TRUB1: variants seen among roughly 807,000 people sequenced by gnomAD.
TRUB1 encodes TruB pseudouridine synthase family member 1, also known as pseudouridylate synthase TRUB1.
In TRUB1, 23 loss-of-function variants were observed where a neutral mutation model predicts 33.9. That is an observed-to-expected ratio of 0.68 (90% CI 0.49 to 0.96). TRUB1 has a LOEUF of 0.96. Ranked by LOEUF, TRUB1 falls within the 40% of genes least tolerant of loss-of-function variation. The pLI is 0.00. For missense variants in TRUB1, 378 were observed against 422.2 expected (o/e 0.90, Z 0.92); for synonymous variants, 163 against 165.4 (o/e 0.99, Z 0.11).
At chr10:114,945,644 G>A (rs1356658805) in intron 2 of TRUB1, among the ~76,000 whole-genome samples, 1 of 152,116 alleles carries the variant, frequency 6.6e-6, no homozygotes, top group Non-Finnish European at 1.5e-5. Context: ...ACACAAATCT[G>A]TAAACTTTCT....
intron 4 of TRUB1, among the ~76,000 whole-genome samples, chr10:114,960,531 A>G (rs956230152): frequency 6.6e-6 from 1 of 151,968 alleles, no homozygotes; most frequent in Non-Finnish European, 1.5e-5. Flanking sequence ...GCCCCCTTAT[A>G]TTTTTGTGTT....
At chr10:114,966,224 C>G (rs149570170) in intron 4 of TRUB1, among the ~76,000 whole-genome samples, 4 of 152,104 alleles carry the variant, frequency 2.6e-5, no homozygotes, top group East Asian at 1.9e-4. Flanking sequence ...ATATGTACAT[C>G]GTTTTGTAAC....
At chr10:114,969,806 A>G (rs961681695) in intron 4 of TRUB1, among the ~76,000 whole-genome samples, 1 of 151,818 alleles carries the variant, frequency 6.6e-6, no homozygotes, top group Non-Finnish European at 1.5e-5. Context: ...AGATAAATGC[A>G]ATTTTACTTG....
At chr10:114,975,098 T>A (rs747375168) in intron 7 of TRUB1, 25 bp from the exon 8 acceptor site, 1 of 1,588,184 alleles carries the variant, frequency 6.3e-7, no homozygotes, top group Non-Finnish European at 8.6e-7. Flanking sequence ...CTTCTGGATT[T>A]TTTTTCTACC....
chr10:114,968,165 TAC>T (rs2084318988), intron 4 of TRUB1, among the ~76,000 whole-genome samples: 1 of 152,148 alleles, frequency 6.6e-6, no homozygotes, highest in Non-Finnish European at 1.5e-5. Flanking sequence ...TATGATTAAT[TAC>T]AGAGTGAACA....
chr10:114,943,705 T>G (rs2084199295), intron 2 of TRUB1, among the ~76,000 whole-genome samples: 1 of 152,194 alleles, frequency 6.6e-6, no homozygotes. Context: ...GATTTCTCTG[T>G]GTCTTTTTCT....
intron 2 of TRUB1, among the ~76,000 whole-genome samples, chr10:114,949,407 T>A (rs1032636175): frequency 2.4e-4 from 37 of 152,226 alleles, no homozygotes; most frequent in African/African-American, 8.9e-4. Context: ...AGACTGTTTT[T>A]GATCTTAGAC....
rs1352888166 is a variant in TRUB1 at position 114,976,759 on chromosome 10, A to G, written c.*1380A>G. 1 of 125,764 alleles carries G rather than the reference A, an allele frequency of 8.0e-6. No homozygotes were observed. The highest frequency in any genetic ancestry group is 1.5e-5 in the Non-Finnish European group (1 of 64,894). The allele number at this position is 125,764 out of a possible 1,614,324, so 7.8% of individuals were successfully genotyped here. A position where few individuals can be genotyped will look rare whatever the true frequency, so the allele number is the denominator to read the frequency against. ...AGTACAGCATTTTCAACATATTGGC[A>G]ACATATTTTAAATGAAAACACTAAA... On this transcript the variant is annotated 3_prime_UTR_variant, in exon 8 of 8. Transcript: ENST00000298746.
At chr10:114,970,245 CAT>C in intron 4 of TRUB1, 121 bp from the exon 5 acceptor site, 1 of 621,592 alleles carries the variant, frequency 1.6e-6, no homozygotes, top group Non-Finnish European at 2.8e-6. Flanking sequence ...GGCTATAAAA[CAT>C]ATACTGTAAT....
intron 3 of TRUB1, among the ~76,000 whole-genome samples, chr10:114,956,340 C>T (rs972612633): frequency 6.6e-6 from 1 of 152,128 alleles, no homozygotes; most frequent in African/African-American, 2.4e-5. Context: ...AGCACAGACT[C>T]TACGTAGAAT....
At chr10:114,941,990 T>C (rs1306260839) in intron 1 of TRUB1, among the ~76,000 whole-genome samples, 1 of 151,934 alleles carries the variant, frequency 6.6e-6, no homozygotes, top group Non-Finnish European at 1.5e-5. Context: ...TTCACCGTGT[T>C]AGCCAGGATG....
intron 3 of TRUB1, among the ~76,000 whole-genome samples, chr10:114,958,327 T>G (rs2084270194): frequency 6.6e-6 from 1 of 152,208 alleles, no homozygotes; most frequent in South Asian, 2.1e-4. Context: ...CCTATGAAAC[T>G]TTAAAAAAAT....
chr10:114,954,672 A>G (rs945453972), intron 3 of TRUB1, among the ~76,000 whole-genome samples: 1 of 150,244 alleles, frequency 6.7e-6, no homozygotes, highest in Admixed American at 6.6e-5. Context: ...GTGCCTGATC[A>G]TTTAGGATTA....
intron 3 of TRUB1, among the ~76,000 whole-genome samples, chr10:114,959,202 G>A (rs1456031048): frequency 2.6e-5 from 4 of 152,142 alleles, no homozygotes; most frequent in Non-Finnish European, 5.9e-5. Context: ...TACTGGTTTT[G>A]CTCTTTTTCT....
chr10:114,974,044 T>TA (rs1372398217), intron 6 of TRUB1, among the ~76,000 whole-genome samples: 1 of 152,210 alleles, frequency 6.6e-6, no homozygotes, highest in Non-Finnish European at 1.5e-5. Context: ...TCTAACTATT[T>TA]AAAACCTATT....
intron 2 of TRUB1, among the ~76,000 whole-genome samples, chr10:114,947,533 C>T (rs2084216547): frequency 6.6e-6 from 1 of 152,138 alleles, no homozygotes; most frequent in Non-Finnish European, 1.5e-5. Flanking sequence ...CCATTTTCCA[C>T]CTTTCATCAA....
At chr10:114,963,382 A>G (rs1435766228) in intron 4 of TRUB1, among the ~76,000 whole-genome samples, 2 of 152,246 alleles carry the variant, frequency 1.3e-5, no homozygotes, top group African/African-American at 2.4e-5. Flanking sequence ...CCAATAGGGT[A>G]TATGCTATAA....
chr10:114,974,454 T>C lies in TRUB1; in HGVS notation c.793+69T>C, dbSNP rs2084351043. The stretch of plus-strand genomic sequence containing the variant: ...ACTCCTTTTCAATTGGAAGAGGGAA[T>C]TTTCCGTTTTTCTTATTTCTGAGTA... On this transcript the variant is annotated intron_variant, in intron 7 of 7. Transcript: ENST00000298746. 2.2e-6 allele frequency: 3 copies of C among 1,373,392 alleles called. No individual in the cohort carries two copies. In the Admixed American group the frequency reaches 5.2e-5, roughly 24 times the overall value. 85.1% of individuals were successfully genotyped at this position (1,373,392 alleles called of 1,614,324 possible).
Position 114,970,358 on chromosome 10 carries a change from T to C in TRUB1, c.524-10T>C, listed in dbSNP as rs2084329802. 1.3e-6 allele frequency: 2 copies of C among 1,597,508 alleles called. No homozygotes were observed. The highest frequency in any genetic ancestry group is 1.7e-6 in the Non-Finnish European group (2 of 1,167,108). ...GTTGTTTTAGTGTCTTTTTTGTTGA[T>C]TTTTGGCAGATAAAATAACACAAGA... On this transcript the variant is annotated splice_polypyrimidine_tract_variant and intron_variant, in intron 4 of 7. Transcript: ENST00000298746.
Sources: gnomAD v4.1 joint callset for allele counts (sites outside exome capture counted in the v4.1 genomes callset) on GRCh38, gnomAD v4.1.1 for gene constraint, MANE v1.5 for transcripts, NCBI Gene and HGNC (gene_info 2026-07-23, HGNC 2026-07-21) for gene names.